TMEM74: variants seen among roughly 807,000 people sequenced by gnomAD.
TMEM74 encodes transmembrane protein 74.
Under a neutral mutation model 18.1 loss-of-function variants are expected in TMEM74, and 13 were observed. The observed-to-expected ratio is 0.72, with a 90% CI of 0.47 to 1.14. The LOEUF (loss-of-function observed/expected upper bound fraction) is 1.14, where lower values mean the gene tolerates loss of function less well. Among genes scored for constraint, TMEM74 ranks in the 50% most tolerant of loss-of-function variants. The pLI is 0.00. For missense variants in TMEM74, 372 were observed against 375.9 expected (o/e 0.99, Z 0.09); for synonymous variants, 159 against 146.6 (o/e 1.08, Z -0.61).
intron 1 of TMEM74, among the ~76,000 whole-genome samples, chr8:108,657,881 T>TATATATATATATATATTAATTAC (rs1812858996): frequency 4.1e-5 from 4 of 98,488 alleles, no homozygotes; most frequent in African/African-American, 1.2e-4. Context: ...TATATATATA[T>TATATATATATATATATTAATTAC]ATATATATAT....
chr8:108,685,041 A>T (rs554444951), intron 1 of TMEM74, among the ~76,000 whole-genome samples: 1 of 152,192 alleles, frequency 6.6e-6, no homozygotes, highest in African/African-American at 2.4e-5. Flanking sequence ...TCATTTTAAC[A>T]ATATTAATTC....
At chr8:108,760,496 T>C (rs1034682999) in intron 1 of TMEM74, among the ~76,000 whole-genome samples, 15 of 152,002 alleles carry the variant, frequency 9.9e-5, no homozygotes, top group Non-Finnish European at 2.1e-4. Flanking sequence ...ACAGAATGCA[T>C]CTATTGGCAG....
intron 1 of TMEM74, among the ~76,000 whole-genome samples, chr8:108,737,605 C>T (rs780138603): frequency 1.7e-4 from 26 of 152,142 alleles, no homozygotes; most frequent in Non-Finnish European, 2.9e-4. Context: ...AAGTCATACT[C>T]ACCCCTCTGA....
chr8:108,783,361 G>C lies in TMEM74; in HGVS notation c.*820C>G, dbSNP rs1018381006. Among the ~76,000 whole-genome samples, 4 of 152,178 alleles carry C rather than the reference G, an allele frequency of 2.6e-5. No individual in the cohort carries two copies. Among genetic ancestry groups the C allele is most frequent in the African/African-American group, 9.7e-5 (4 of 41,428 alleles). ...AATGTCTCATGCCTTGCCTCTTGCT[G>C]CTGGTGTGAGAACCAGCAGACTTCA... On this transcript the variant is annotated 3_prime_UTR_variant, in exon 2 of 2. Coordinates refer to ENST00000297459, the MANE Select transcript of TMEM74 (RefSeq NM_153015.3).
At chr8:108,664,171 G>C (rs895394179) in intron 1 of TMEM74, among the ~76,000 whole-genome samples, 2 of 131,706 alleles carry the variant, frequency 1.5e-5, no homozygotes, top group South Asian at 5.1e-4. Context: ...GAATGTCATT[G>C]GTAGTTTCAT....
downstream of TMEM74, among the ~76,000 whole-genome samples, chr8:108,774,757 T>G (rs1410169089): frequency 2.0e-5 from 1 of 50,656 alleles, no homozygotes; most frequent in Non-Finnish European, 3.6e-5. Flanking sequence ...CTTCCTTTAA[T>G]TTTTTTTTTT....
At chr8:108,737,146 G>A (rs1813756519) in intron 1 of TMEM74, among the ~76,000 whole-genome samples, 1 of 152,112 alleles carries the variant, frequency 6.6e-6, no homozygotes, top group South Asian at 2.1e-4. Context: ...TCATAAAATT[G>A]TGGGTTCATA....
At chr8:108,687,228 G>A (rs191246994) in intron 1 of TMEM74, among the ~76,000 whole-genome samples, 1 of 151,732 alleles carries the variant, frequency 6.6e-6, no homozygotes, top group Non-Finnish European at 1.5e-5. Context: ...TGGAATGGAG[G>A]GAACCTATAA....
At chr8:108,741,603 A>AT (rs1311541259) in intron 1 of TMEM74, among the ~76,000 whole-genome samples, 4 of 152,206 alleles carry the variant, frequency 2.6e-5, no homozygotes, top group African/African-American at 9.6e-5. Context: ...AAGATGTAGA[A>AT]TGATGTTTAT....
chr8:108,689,872 CT>C (rs1465911243), intron 1 of TMEM74, among the ~76,000 whole-genome samples: 1 of 152,128 alleles, frequency 6.6e-6, no homozygotes, highest in East Asian at 1.9e-4. Context: ...ACTTCACCCC[CT>C]CCTCTCCATT....
intron 2 of TMEM74, among the ~76,000 whole-genome samples, chr8:108,642,738 C>T (rs1812678300): frequency 6.6e-6 from 1 of 152,256 alleles, no homozygotes; most frequent in Middle Eastern, 3.4e-3. Flanking sequence ...AATGAATGAA[C>T]TCATGAATTT....
Position 108,729,165 on chromosome 8 carries a change from T to C in TMEM74, n.119+58311A>G, listed in dbSNP as rs1301868671. Among the ~76,000 whole-genome samples the C allele has an allele frequency of 3.9e-5, 6 of 152,340 alleles. No homozygotes were observed. The East Asian group carries it at 1.2e-3, about 29-fold the overall frequency. ...GAAGGCAAAGGGAAAAAACTACTCT[T>C]GGGCTCCTTCATGTTATTGGCTTAA... On this transcript the variant is annotated intron_variant and non_coding_transcript_variant, in intron 1 of 3. Transcript: ENST00000518838.
intron 1 of TMEM74, among the ~76,000 whole-genome samples, chr8:108,709,704 A>T (rs779166286): frequency 5.9e-5 from 9 of 152,150 alleles, no homozygotes; most frequent in Non-Finnish European, 1.2e-4. Context: ...AACAAAACAA[A>T]ATCAAACAAA....
chr8:108,632,147 T>C (rs1013217124), intron 2 of TMEM74, among the ~76,000 whole-genome samples: 3 of 151,908 alleles, frequency 2.0e-5, no homozygotes, highest in African/African-American at 4.8e-5. Context: ...CTAGAGAATA[T>C]TGGAGAGGCT....
chr8:108,689,927 G>T (rs1813208116), intron 1 of TMEM74, among the ~76,000 whole-genome samples: 1 of 152,138 alleles, frequency 6.6e-6, no homozygotes, highest in African/African-American at 2.4e-5. Flanking sequence ...GCAGATAACA[G>T]ACCAATGGCT....
At chr8:108,694,959 A>T (rs1699087131) in intron 1 of TMEM74, among the ~76,000 whole-genome samples, 1 of 152,176 alleles carries the variant, frequency 6.6e-6, no homozygotes, top group African/African-American at 2.4e-5. Flanking sequence ...TTTGCCTTCA[A>T]GTTTCCAACT....
chr8:108,661,813 G>A (rs980540645), intron 1 of TMEM74, among the ~76,000 whole-genome samples: 5 of 152,106 alleles, frequency 3.3e-5, no homozygotes, highest in African/African-American at 1.2e-4. Context: ...CAGGGAACAG[G>A]AGGAAGTCAT....
Position 108,681,203 on chromosome 8 carries a change from C to T in TMEM74, n.120-25766G>A, listed in dbSNP as rs555529658. 5.7e-4 allele frequency among the ~76,000 whole-genome samples: 87 copies of T among 152,148 alleles called. 1 individual carries two copies. Among genetic ancestry groups the T allele is most frequent in the African/African-American group, 2.0e-3 (84 of 41,508 alleles). ...TATGGAACCAAAAAAGAGCCCGCAT[C>T]GCCAAGTCAATCCTAAGCCAAAAGA... is the stretch of plus-strand genomic sequence containing the variant. On this transcript the variant is annotated intron_variant and non_coding_transcript_variant, in intron 1 of 3. Coordinates refer to the TMEM74 transcript ENST00000518838.
chr8:108,682,569 C>T (rs925234599), intron 1 of TMEM74, among the ~76,000 whole-genome samples: 4 of 151,894 alleles, frequency 2.6e-5, no homozygotes, highest in Non-Finnish European at 5.9e-5. Flanking sequence ...ACAGCATGCA[C>T]TACATAGTAG....
Sources: gnomAD v4.1 joint callset for allele counts (sites outside exome capture counted in the v4.1 genomes callset) on GRCh38, gnomAD v4.1.1 for gene constraint, MANE v1.5 for transcripts, NCBI Gene and HGNC (gene_info 2026-07-23, HGNC 2026-07-21) for gene names.